The following UTP23 variants were observed in gnomAD, a reference collection of about 807,000 sequenced individuals.
The protein encoded by UTP23 is UTP23 small subunit processome component.
A neutral mutation model predicts 19.8 loss-of-function variants in UTP23; 10 were observed. The ratio of observed to expected loss-of-function variants is 0.50; its 90% CI spans 0.31 to 0.86. UTP23 has a LOEUF of 0.86. UTP23 is among the 40% of genes least tolerant of loss of function. UTP23 has a pLI of 0.05. For synonymous variants in UTP23, 108 were observed against 105.4 expected (o/e 1.02, Z -0.15); for missense variants, 282 against 293.1 (o/e 0.96, Z 0.28).
rs950048352 is a variant in UTP23, at chr8:116,774,040, C to A, written c.*2198C>A. 9 of 985,220 alleles carry A rather than the reference C, an allele frequency of 9.1e-6. No homozygotes were observed. The highest frequency in any genetic ancestry group is 1.1e-5 in the Non-Finnish European group (9 of 829,894). 61.0% of individuals were successfully genotyped at this position (985,220 alleles called of 1,614,324 possible). A position where few individuals can be genotyped will look rare whatever the true frequency, so the allele number is the denominator to read the frequency against. ...AACCATGGGAGTATGCACATGGGAT[C>A]ATAATCCATTCTGTGGTTTGGAAAA... On this transcript the variant is annotated 3_prime_UTR_variant, in exon 3 of 3. Transcript: ENST00000309822.
chr8:116,774,512 T>A lies in UTP23; in HGVS notation c.*2670T>A, dbSNP rs1461128948. 1 of 823,476 alleles carries A rather than the reference T, an allele frequency of 1.2e-6. No homozygotes were observed. The highest frequency in any genetic ancestry group is 1.9e-5 in the African/African-American group (1 of 53,414). The allele number at this position is 823,476 out of a possible 1,614,324, so 51.0% of individuals were successfully genotyped here. On this transcript the variant is annotated 3_prime_UTR_variant, in exon 3 of 3. Coordinates refer to ENST00000309822, the MANE Select transcript of UTP23 (RefSeq NM_032334.3). ...TCTATATATATGACATTATTCCCAA[T>A]TAGTTTTATATCTCCAAGATATATA...
chr8:116,771,544 C>T lies in UTP23; in HGVS notation c.452C>T (p.Ser151Phe), dbSNP rs149223899. The T allele has an allele frequency of 2.5e-6, 4 of 1,610,846 alleles. No individual in the cohort carries two copies. Among genetic ancestry groups the T allele is most frequent in the Non-Finnish European group, 3.4e-6 (4 of 1,179,258 alleles). The change falls in exon 3 of 3, where the codon TCT becomes TTT. Residue 151 changes from serine to phenylalanine, a missense_variant. Ser to Phe is a radical substitution (Grantham distance 155). Transcript: ENST00000309822. Reference sequence around the variant, plus strand: ...AACACTATGGTTTTGGACAAACCTTCTCCCAAAACAATTGCCTTTGTAAAA... The same window carrying T: ...AACACTATGGTTTTGGACAAACCTTTTCCCAAAACAATTGCCTTTGTAAAA... ...IQNTMVLDKP[S>F]PKTIAFVKAV...
In UTP23 at chr8:116,772,764, A is replaced by G. The variant is rs998050274; in HGVS notation, c.*922A>G. ...AGTGTCTAAATTAGTCTGAGGATCA[A>G]TGAGGGTCAATTCAGTTAGGAATTG... On this transcript the variant is annotated 3_prime_UTR_variant, in exon 3 of 3. Coordinates refer to ENST00000309822, the MANE Select transcript of UTP23 (RefSeq NM_032334.3). 5.1e-6 allele frequency: 5 copies of G among 985,332 alleles called. No homozygotes were observed. In the African/African-American group the frequency reaches 5.2e-5, roughly 10 times the overall value. The allele number at this position is 985,332 out of a possible 1,614,324, so 61.0% of individuals were successfully genotyped here.
In UTP23 at chr8:116,766,789, A is replaced by C. The variant is rs1381640824; in HGVS notation, c.186A>C (p.Thr62=). ...YLMGETQLCT[T]RCVLKELETL... Reference sequence around the variant, plus strand: ...TGGGGGAGACGCAGCTGTGCACCACAAGGTGGGCCCGGGGGGCTGGGGAGG... The same window carrying C: ...TGGGGGAGACGCAGCTGTGCACCACCAGGTGGGCCCGGGGGGCTGGGGAGG... Residue 62 remains threonine, a splice_region_variant and synonymous_variant, in exon 1 of 3, where the codon ACA becomes ACC. Transcript: ENST00000309822. The C allele has an allele frequency of 7.1e-6, 11 of 1,545,476 alleles. No individual in the cohort carries two copies. Among genetic ancestry groups the C allele is most frequent in the Non-Finnish European group, 9.6e-6 (11 of 1,144,400 alleles).
Position 116,773,589 on chromosome 8 carries a change from A to C in UTP23, c.*1747A>C. 3 of 703,722 alleles carry C rather than the reference A, an allele frequency of 4.3e-6. No individual in the cohort carries two copies. Among genetic ancestry groups the C allele is most frequent in the Non-Finnish European group, 5.2e-6 (3 of 573,192 alleles). The allele number at this position is 703,722 out of a possible 1,614,324, so 43.6% of individuals were successfully genotyped here. A position where few individuals can be genotyped will look rare whatever the true frequency, so the allele number is the denominator to read the frequency against. ...CACTTTGGGAGGCCGAGGCTGGCAG[A>C]TCACAAAATTAAGAGATCAAGACCA... is the stretch of plus-strand genomic sequence containing the variant. On this transcript the variant is annotated 3_prime_UTR_variant, in exon 3 of 3. Coordinates refer to ENST00000309822, the MANE Select transcript of UTP23 (RefSeq NM_032334.3).
At position 116,773,234 on chromosome 8, in the gene UTP23, A is replaced by T. The variant is rs569190878; in HGVS notation, c.*1392A>T. 46 of 985,456 alleles carry T rather than the reference A, an allele frequency of 4.7e-5. No homozygotes were observed. The African/African-American group carries it at 7.1e-4, about 15-fold the overall frequency. 61.0% of individuals were successfully genotyped at this position (985,456 alleles called of 1,614,324 possible). A position where few individuals can be genotyped will look rare whatever the true frequency, so the allele number is the denominator to read the frequency against. On this transcript the variant is annotated 3_prime_UTR_variant, in exon 3 of 3. Coordinates refer to ENST00000309822, the MANE Select transcript of UTP23 (RefSeq NM_032334.3). ...ATAAGGAAGGTAAAAATACTGGAAA[A>T]AAGTGAATAGTGTAGGTTTTGTGAG...
chr8:116,768,045 AC>A (rs1815607340), intron 1 of UTP23, among the ~76,000 whole-genome samples: 4 of 151,820 alleles, frequency 2.6e-5, no homozygotes, highest in East Asian at 3.9e-4. Context: ...AACGTAGGAA[AC>A]CCCCATCTCT....
chr8:116,768,107 A>G (rs936250770), intron 1 of UTP23, among the ~76,000 whole-genome samples: 12 of 152,136 alleles, frequency 7.9e-5, no homozygotes, highest in African/African-American at 2.9e-4. Context: ...CTGTGTTAAT[A>G]GTCTCCTTTT....
In UTP23 at chr8:116,771,507, T is replaced by G. The variant is rs1307408833; in HGVS notation, c.415T>G (p.Phe139Val). Residue 139 changes from phenylalanine (F) to valine (V), a missense_variant, in exon 3 of 3, where the codon TTT (phenylalanine) becomes GTT (valine). Coordinates refer to ENST00000309822, the MANE Select transcript of UTP23 (RefSeq NM_032334.3). ...AAAGAAGCCTGGAGTTCCTCTCATG[T>G]TTATTATTCAGAACACTATGGTTTT... ...VKKKPGVPLM[F>V]IIQNTMVLDK... The G allele has an allele frequency of 6.4e-7, 1 of 1,551,140 alleles. No homozygotes were observed. The highest frequency in any genetic ancestry group is 2.2e-5 in the Admixed American group (1 of 45,020).
At position 116,773,107 on chromosome 8, in the gene UTP23, A is replaced by G; in HGVS notation, c.*1265A>G. On this transcript the variant is annotated 3_prime_UTR_variant, in exon 3 of 3. Coordinates refer to ENST00000309822, the MANE Select transcript of UTP23 (RefSeq NM_032334.3). ...TGCTGGAAGTTGGAATTATAGCTTT[A>G]CACCAAGGAGTGACACGTAGACTAA... 2 of 985,458 alleles carry G rather than the reference A, an allele frequency of 2.0e-6. No individual in the cohort carries two copies. The highest frequency in any genetic ancestry group is 2.4e-6 in the Non-Finnish European group (2 of 829,932). The allele number at this position is 985,458 out of a possible 1,614,324, so 61.0% of individuals were successfully genotyped here. A position where few individuals can be genotyped will look rare whatever the true frequency, so the allele number is the denominator to read the frequency against.
rs763710573 is a variant in UTP23 at position 116,771,632 on chromosome 8, G to C, written c.540G>C (p.Glu180Asp). 5.0e-6 allele frequency: 8 copies of C among 1,611,046 alleles called. No homozygotes were observed. In the African/African-American group the frequency reaches 1.1e-4, roughly 22 times the overall value. ...AAGAAAGTATCAAACATCTCAAAGA[G>C]GAACAGGGTTTAGTGAAAAACACTG... Reference protein sequence around the residue: ...HEKESIKHLKEEQGLVKNTEQ... With the variant: ...HEKESIKHLKDEQGLVKNTEQ... The change falls in exon 3 of 3, where the codon GAG becomes GAC. Residue 180 changes from glutamate to aspartate, a missense_variant. Glu to Asp is a conservative substitution (Grantham distance 45). Coordinates refer to ENST00000309822, the MANE Select transcript of UTP23 (RefSeq NM_032334.3).
At chr8:116,771,330 A>G (rs1815647710) in intron 2 of UTP23, 126 bp from the exon 3 acceptor site, 2 of 767,782 alleles carry the variant, frequency 2.6e-6, no homozygotes, top group Admixed American at 3.8e-5. Flanking sequence ...CAAATGAATA[A>G]GTGAGGCTTA....
In UTP23 at chr8:116,767,663, C is replaced by G. The variant is rs1815602156; in HGVS notation, c.188+872C>G. 1.3e-5 allele frequency among the ~76,000 whole-genome samples: 2 copies of G among 152,000 alleles called. 1 individual carries two copies. Among genetic ancestry groups the G allele is most frequent in the African/African-American group, 4.8e-5 (2 of 41,360 alleles). On this transcript the variant is annotated intron_variant, in intron 1 of 2. Coordinates refer to ENST00000309822, the MANE Select transcript of UTP23 (RefSeq NM_032334.3). ...TTCTTGTTGTGGAGACCTCTTCACA[C>G]GAAATGGAGTTATGAAATGCCTGGG...
At position 116,773,553 on chromosome 8, in the gene UTP23, T is replaced by A; in HGVS notation, c.*1711T>A. ...TTGACAGGGCATGGTGGCTCACACCTGTAATCCCAGCACTTTGGGAGGCCG... is the reference window on the plus strand; with the variant it reads ...TTGACAGGGCATGGTGGCTCACACCAGTAATCCCAGCACTTTGGGAGGCCG... On this transcript the variant is annotated 3_prime_UTR_variant, in exon 3 of 3. Coordinates refer to ENST00000309822, the MANE Select transcript of UTP23 (RefSeq NM_032334.3). The A allele has an allele frequency of 3.1e-6, 3 of 956,450 alleles. No homozygotes were observed. The highest frequency in any genetic ancestry group is 3.7e-6 in the Non-Finnish European group (3 of 803,572). The allele number at this position is 956,450 out of a possible 1,614,324, so 59.2% of individuals were successfully genotyped here.
intron 2 of UTP23, 110 bp from the exon 3 acceptor site, chr8:116,771,346 T>C: frequency 1.0e-6 from 1 of 959,958 alleles, no homozygotes; most frequent in Non-Finnish European, 1.4e-6. Flanking sequence ...GCTTACTCAT[T>C]TGAAAAATAA....
chr8:116,770,542 G>A (rs1815638771), intron 2 of UTP23, 176 bp downstream of exon 2: 2 of 567,618 alleles, frequency 3.5e-6, no homozygotes, highest in Non-Finnish European at 5.6e-6. Context: ...AAAACTTTAA[G>A]CATGTTGATA....
chr8:116,767,636 A>G (rs6995838), intron 1 of UTP23, among the ~76,000 whole-genome samples: 67,316 of 152,038 alleles, frequency 0.44, 18,758 homozygotes, highest in Non-Finnish European at 0.62. Context: ...AAAGAATGAC[A>G]CTTCTTGTTG....
In UTP23 at chr8:116,774,092, G is replaced by A. The variant is rs937401071; in HGVS notation, c.*2250G>A. 1.0e-6 allele frequency: 1 copy of A among 985,204 alleles called. No homozygotes were observed. Among genetic ancestry groups the A allele is most frequent in the Admixed American group, 6.1e-5 (1 of 16,262 alleles). 61.0% of individuals were successfully genotyped at this position (985,204 alleles called of 1,614,324 possible). Reference sequence around the variant, plus strand: ...GAAAATGTTAACCTCTGCTTTAGAGGGTAGCTACTAGCTTTGTTGGGGATA... The same window carrying A: ...GAAAATGTTAACCTCTGCTTTAGAGAGTAGCTACTAGCTTTGTTGGGGATA... On this transcript the variant is annotated 3_prime_UTR_variant, in exon 3 of 3. Coordinates refer to ENST00000309822, the MANE Select transcript of UTP23 (RefSeq NM_032334.3).
intron 2 of UTP23, among the ~76,000 whole-genome samples, 199 bp from the exon 3 acceptor site, chr8:116,771,257 T>A (rs1014928734): frequency 2.6e-5 from 4 of 152,218 alleles, no homozygotes; most frequent in Non-Finnish European, 5.9e-5. Flanking sequence ...ACACAGCTGC[T>A]ACTAACACTG....
Sources: gnomAD v4.1 joint callset for allele counts (sites outside exome capture counted in the v4.1 genomes callset) on GRCh38, gnomAD v4.1.1 for gene constraint, MANE v1.5 for transcripts, NCBI Gene and HGNC (gene_info 2026-07-23, HGNC 2026-07-21) for gene names.